Variants in VWF observed in about 807,000 individuals in gnomAD.
VWF encodes the protein von Willebrand factor.
In VWF, 176 loss-of-function variants were observed where a neutral mutation model predicts 308.6. The ratio of observed to expected loss-of-function variants is 0.57; its 90% confidence interval spans 0.50 to 0.65. VWF has a LOEUF of 0.65. VWF is among the 30% of genes least tolerant of loss of function. VWF has a pLI of 0.00. For missense variants in VWF, 3,146 were observed against 3,648.2 expected, an observed-to-expected ratio of 0.86 and a Z score of 3.55; for synonymous variants, 1,385 against 1,443.4, an observed-to-expected ratio of 0.96 and a Z score of 0.92.
chr12:6,091,766 A>G (rs1031786707), intron 6 of VWF, among the ~76,000 whole-genome samples: 1 of 152,208 alleles, frequency 6.6e-6, no homozygotes, highest in African/African-American at 2.4e-5. Context: ...CAACTCCCCA[A>G]GAGAAACACA....
intron 34 of VWF, among the ~76,000 whole-genome samples, chr12:6,004,075 A>T (rs1027289499): frequency 3.9e-5 from 6 of 152,098 alleles, no homozygotes; most frequent in Non-Finnish European, 1.5e-5. Flanking sequence ...GTCACTGGAT[A>T]TATACTTAAA....
Position 5,953,608 on chromosome 12 carries a change from G to C in VWF, c.7888-14C>G. The C allele has an allele frequency of 1.2e-6, 2 of 1,610,442 alleles. No individual in the cohort carries two copies. The highest frequency in any genetic ancestry group is 1.7e-6 in the Non-Finnish European group (2 of 1,176,664). The stretch of plus-strand genomic sequence containing the variant: ...TTCCTTGTAACCCTGCATCCAGAGG[G>C]GGAAAAAGCAGCCATAGTTAACCTC... On this transcript the variant is annotated splice_polypyrimidine_tract_variant and intron_variant, in intron 47 of 51. Transcript: ENST00000261405.
At chr12:6,081,801 T>C (rs192785072) in intron 6 of VWF, among the ~76,000 whole-genome samples, 22 of 152,350 alleles carry the variant, frequency 1.4e-4, no homozygotes, top group African/African-American at 4.8e-4. Flanking sequence ...TCCGAGGCTA[T>C]GAGACATGAG....
At chr12:6,096,963 G>A (rs113435879) in intron 5 of VWF, among the ~76,000 whole-genome samples, 1,780 of 152,108 alleles carry the variant, frequency 0.012, 23 homozygotes, top group Non-Finnish European at 0.019. Flanking sequence ...TTGGTATGTG[G>A]GGGTTTGATA....
chr12:6,037,386 T>C (rs1006879344), intron 18 of VWF, among the ~76,000 whole-genome samples: 1 of 152,118 alleles, frequency 6.6e-6, no homozygotes, highest in African/African-American at 2.4e-5. Context: ...TGGGGGCTGG[T>C]CCAAGCCACA....
chr12:6,088,468 G>A (rs1412782944), intron 6 of VWF, among the ~76,000 whole-genome samples: 5 of 141,548 alleles, frequency 3.5e-5, no homozygotes, highest in African/African-American at 1.3e-4. Context: ...GACAGAGCGA[G>A]ACTCTGTCTA....
intron 34 of VWF, among the ~76,000 whole-genome samples, chr12:6,011,409 G>T (rs1943991590): frequency 6.6e-6 from 1 of 152,196 alleles, no homozygotes; most frequent in South Asian, 2.1e-4. Context: ...CAAAGACAGA[G>T]AAAGAGGGCA....
At chr12:6,039,712 T>G (rs1944377202) in intron 18 of VWF, among the ~76,000 whole-genome samples, 1 of 152,204 alleles carries the variant, frequency 6.6e-6, no homozygotes, top group Admixed American at 6.5e-5. Flanking sequence ...TTGGATCTTT[T>G]AAAATGTGCA....
At chr12:6,008,802 G>A (rs1183907311) in intron 34 of VWF, among the ~76,000 whole-genome samples, 1 of 152,090 alleles carries the variant, frequency 6.6e-6, no homozygotes, top group African/African-American at 2.4e-5. Flanking sequence ...CAAATTCAGC[G>A]AAGTTAAAAC....
At position 6,071,289 on chromosome 12, in the gene VWF, T is replaced by C; in HGVS notation, c.1156+8A>G. ...AAGGAGGAAGAGAATGAGCGGCAGG[T>C]CGCCTACCTGGACATTCTTCATTGC... On this transcript the variant is annotated splice_region_variant and intron_variant, in intron 10 of 51. Coordinates refer to ENST00000261405, the MANE Select transcript of VWF (RefSeq NM_000552.5). 6.2e-7 allele frequency: 1 copy of C among 1,613,760 alleles called. No homozygotes were observed. The highest frequency in any genetic ancestry group is 8.5e-7 in the Non-Finnish European group (1 of 1,179,996).
At chr12:6,111,780 C>T (rs1370144673) in intron 3 of VWF, among the ~76,000 whole-genome samples, 1 of 151,854 alleles carries the variant, frequency 6.6e-6, no homozygotes, top group Non-Finnish European at 1.5e-5. Context: ...GAAACCCCGT[C>T]TCTACTAAAA....
At chr12:6,083,800 A>G (rs1944940724) in intron 6 of VWF, among the ~76,000 whole-genome samples, 1 of 152,194 alleles carries the variant, frequency 6.6e-6, no homozygotes, top group South Asian at 2.1e-4. Context: ...ACTAAGCAAT[A>G]CCCAGTAGGC....
Position 6,046,920 on chromosome 12 carries a change from C to A in VWF, c.2187-103G>T. ...ACTCTCTGCCCCTTCCAACCAGGTC[C>A]CAGTCCCATAACCCCTCCTGAAGCA... On this transcript the variant is annotated intron_variant, in intron 16 of 51. Transcript: ENST00000261405. This position sits in a 1 kb window ranked among gnomAD's most constrained non-coding sequence, Gnocchi z 5.0. 1 of 1,024,088 alleles carries A rather than the reference C, an allele frequency of 9.8e-7. No individual in the cohort carries two copies. Among genetic ancestry groups the A allele is most frequent in the South Asian group, 1.3e-5 (1 of 74,260 alleles). The allele number at this position is 1,024,088 out of a possible 1,614,324, so 63.4% of individuals were successfully genotyped here. A position where few individuals can be genotyped will look rare whatever the true frequency, so the allele number is the denominator to read the frequency against.
chr12:6,047,209 TCA>T (rs1424143617), intron 16 of VWF, among the ~76,000 whole-genome samples: 1 of 152,104 alleles, frequency 6.6e-6, no homozygotes, highest in Admixed American at 6.5e-5. Flanking sequence ...GCTCCTCTTC[TCA>T]CACTCTGCTG....
At chr12:6,095,663 T>G in intron 5 of VWF, 79 bp from the exon 6 acceptor site, 1 of 1,603,192 alleles carries the variant, frequency 6.2e-7, no homozygotes, top group Non-Finnish European at 8.5e-7. Flanking sequence ...CTAGGTCTGC[T>G]GGTGGTTTTG....
intron 44 of VWF, 132 bp downstream of exon 44, chr12:5,971,467 T>C: frequency 1.3e-6 from 1 of 753,198 alleles, no homozygotes; most frequent in Non-Finnish European, 2.3e-6. Context: ...GGCATCTGGA[T>C]AACACCAACA....
At chr12:6,066,138 C>T (rs1315456708) in intron 10 of VWF, among the ~76,000 whole-genome samples, 1 of 151,782 alleles carries the variant, frequency 6.6e-6, no homozygotes, top group African/African-American at 2.4e-5. Flanking sequence ...ACACCATCTC[C>T]CCCACGCCCC....
intron 3 of VWF, among the ~76,000 whole-genome samples, chr12:6,119,054 C>G (rs1304100083): frequency 6.6e-6 from 1 of 152,254 alleles, no homozygotes; most frequent in Non-Finnish European, 1.5e-5. Context: ...CTCTCCTTTT[C>G]AGGACCATCT....
chr12:5,975,523 G>A (rs1943523111), intron 43 of VWF, among the ~76,000 whole-genome samples: 1 of 152,158 alleles, frequency 6.6e-6, no homozygotes. Flanking sequence ...TTGGGAAACA[G>A]GGATCATGTT....
Sources: gnomAD v4.1 joint callset for allele counts (sites outside exome capture counted in the v4.1 genomes callset) on GRCh38, gnomAD v4.1.1 for gene constraint, Gnocchi (gnomAD v3.1) non-coding constraint, MANE v1.5 for transcripts, NCBI Gene and HGNC (gene_info 2026-07-23, HGNC 2026-07-21) for gene names.